RHOQ: variants seen among roughly 807,000 people sequenced by gnomAD.
RHOQ encodes ras homolog family member Q.
In RHOQ, 7 loss-of-function variants were observed where a neutral mutation model predicts 25.8. That is an observed-to-expected ratio of 0.27 (90% CI 0.15 to 0.51). RHOQ has a LOEUF of 0.51. Ranked by LOEUF, RHOQ falls within the 20% of genes least tolerant of loss-of-function variation. RHOQ has a pLI of 0.97. For missense variants in RHOQ, 165 were observed against 260.6 expected (o/e 0.63, Z 2.53); for synonymous variants, 97 against 98.6 (o/e 0.98, Z 0.10).
At position 46,582,668 on chromosome 2, in the gene RHOQ, C is replaced by T. The variant is rs1306426754; in HGVS notation, c.*1585C>T. 2.0e-5 allele frequency: 3 copies of T among 152,558 alleles called. No homozygotes were observed. Among genetic ancestry groups the T allele is most frequent in the Non-Finnish European group, 1.5e-5 (1 of 68,014 alleles). 9.5% of individuals were successfully genotyped at this position (152,558 alleles called of 1,614,324 possible). A position where few individuals can be genotyped will look rare whatever the true frequency, so the allele number is the denominator to read the frequency against. On this transcript the variant is annotated 3_prime_UTR_variant, in exon 5 of 5. Coordinates refer to ENST00000238738, the MANE Select transcript of RHOQ (RefSeq NM_012249.4). ...GGTGGGCTTCTGTTAATTCACATGA[C>T]TTGAGCTTATAGCTATGTCTACTGC...
chr2:46,550,119 G>A (rs192394233), intron 2 of RHOQ, among the ~76,000 whole-genome samples: 3 of 151,798 alleles, frequency 2.0e-5, no homozygotes, highest in African/African-American at 7.3e-5. Flanking sequence ...TGTAGTCCCA[G>A]CTACTCAGGA....
chr2:46,563,137 C>T (rs1036894211), intron 2 of RHOQ, among the ~76,000 whole-genome samples: 8 of 152,038 alleles, frequency 5.3e-5, no homozygotes, highest in African/African-American at 1.9e-4. Context: ...CTCAGAGACT[C>T]AGGAGGTCTG....
In RHOQ at chr2:46,548,582, A is replaced by G. The variant is rs1487336208; in HGVS notation, c.201+4770A>G. On this transcript the variant is annotated intron_variant, in intron 2 of 4. Coordinates refer to ENST00000238738, the MANE Select transcript of RHOQ (RefSeq NM_012249.4). The surrounding 1 kb of genome is among the most constrained non-coding windows in gnomAD (Gnocchi z 5.2). The stretch of plus-strand genomic sequence containing the variant: ...GAGAAGGCCTGCAGGGAACATTAGT[A>G]GGGTTTAGGAAATGCCACTCACAAC... 6.6e-6 allele frequency among the ~76,000 whole-genome samples: 1 copy of G among 152,176 alleles called. No individual in the cohort carries two copies. The highest frequency in any genetic ancestry group is 1.9e-4 in the East Asian group (1 of 5,182).
At chr2:46,568,691 C>A (rs1444762786) in intron 2 of RHOQ, 1 of 152,212 alleles carries the variant, frequency 6.6e-6, no homozygotes, top group Non-Finnish European at 1.5e-5. Flanking sequence ...TTTCCCCATT[C>A]ATTTTGGCAA....
chr2:46,578,761 A>C (rs1023904913), intron 4 of RHOQ, among the ~76,000 whole-genome samples: 2 of 151,918 alleles, frequency 1.3e-5, no homozygotes, highest in African/African-American at 4.8e-5. Context: ...GTCTCAAAAT[A>C]AATGAATAAA....
At chr2:46,545,137 C>T (rs573150538) in intron 2 of RHOQ, among the ~76,000 whole-genome samples, 28 of 152,324 alleles carry the variant, frequency 1.8e-4, no homozygotes, top group African/African-American at 6.7e-4. Context: ...CAGGTCAGTA[C>T]AGCCAGTTCT....
chr2:46,575,245 T>C (rs183686546), intron 2 of RHOQ, among the ~76,000 whole-genome samples: 1 of 152,280 alleles, frequency 6.6e-6, no homozygotes, highest in East Asian at 1.9e-4. Flanking sequence ...TTTCATTTTA[T>C]GTACAGATGT....
intron 1 of RHOQ, 101 bp downstream of exon 1, chr2:46,543,289 C>T: frequency 4.4e-6 from 6 of 1,349,078 alleles, no homozygotes; most frequent in Non-Finnish European, 6.3e-6. Flanking sequence ...GCGCACTCCT[C>T]TCCCCTCCCC....
At chr2:46,568,736 C>T (rs1381875704) in intron 2 of RHOQ, 1 of 152,170 alleles carries the variant, frequency 6.6e-6, no homozygotes, top group Non-Finnish European at 1.5e-5. Context: ...AAATGCCCCC[C>T]AGACATAGGG....
intron 2 of RHOQ, among the ~76,000 whole-genome samples, chr2:46,549,582 T>A (rs527782627): frequency 2.2e-4 from 33 of 152,302 alleles, no homozygotes; most frequent in African/African-American, 7.5e-4. Flanking sequence ...CATGTGTGGC[T>A]CTTAAAAATT....
chr2:46,581,271 A>G lies in RHOQ; in HGVS notation c.*188A>G. 1.0e-6 allele frequency: 1 copy of G among 953,528 alleles called. No individual in the cohort carries two copies. Among genetic ancestry groups the G allele is most frequent in the South Asian group, 1.8e-5 (1 of 54,084 alleles). The allele number at this position is 953,528 out of a possible 1,614,324, so 59.1% of individuals were successfully genotyped here. ...AAAGGTTTAAGAAGCAGTAAGCAGC[A>G]TCTGAAGCCACAATCTATTATAAAT... On this transcript the variant is annotated 3_prime_UTR_variant, in exon 5 of 5. Transcript: ENST00000238738.
At chr2:46,572,334 C>T (rs1412636223) in intron 2 of RHOQ, among the ~76,000 whole-genome samples, 2 of 151,958 alleles carry the variant, frequency 1.3e-5, no homozygotes, top group African/African-American at 2.4e-5. Flanking sequence ...AACTCCTGGA[C>T]TCAAGCAATC....
intron 2 of RHOQ, among the ~76,000 whole-genome samples, chr2:46,547,907 G>C (rs746072625): frequency 2.0e-5 from 3 of 152,202 alleles, no homozygotes; most frequent in Non-Finnish European, 4.4e-5. Context: ...CTCTCTAGCT[G>C]TGGGCTCTAG....
chr2:46,560,813 G>A (rs1302432600), intron 2 of RHOQ: 1 of 202,748 alleles, frequency 4.9e-6, no homozygotes, highest in African/African-American at 2.3e-5. Flanking sequence ...ACTCCATTAG[G>A]TTATAGCTTT....
At chr2:46,574,815 A>G (rs1000749418) in intron 2 of RHOQ, among the ~76,000 whole-genome samples, 1 of 152,200 alleles carries the variant, frequency 6.6e-6, no homozygotes, top group African/African-American at 2.4e-5. Context: ...TGAAAGGAAA[A>G]TTGTTCCATG....
intron 4 of RHOQ, among the ~76,000 whole-genome samples, chr2:46,578,923 G>T (rs534306403): frequency 3.9e-5 from 6 of 152,170 alleles, no homozygotes; most frequent in Non-Finnish European, 5.9e-5. Flanking sequence ...TGTATATATA[G>T]AGAGAAAATA....
chr2:46,560,995 C>T (rs1335178008), intron 2 of RHOQ, among the ~76,000 whole-genome samples: 1 of 126,270 alleles, frequency 7.9e-6, no homozygotes. Context: ...TACTATAGAC[C>T]CCATAAACAC....
chr2:46,582,329 T>C lies in RHOQ; in HGVS notation c.*1246T>C, dbSNP rs1433851846. 6.6e-6 allele frequency: 1 copy of C among 151,984 alleles called. No individual in the cohort carries two copies. Among genetic ancestry groups the C allele is most frequent in the African/African-American group, 2.4e-5 (1 of 41,346 alleles). 9.4% of individuals were successfully genotyped at this position (151,984 alleles called of 1,614,324 possible). A position where few individuals can be genotyped will look rare whatever the true frequency, so the allele number is the denominator to read the frequency against. On this transcript the variant is annotated 3_prime_UTR_variant, in exon 5 of 5. Coordinates refer to ENST00000238738, the MANE Select transcript of RHOQ (RefSeq NM_012249.4). The stretch of plus-strand genomic sequence containing the variant: ...GGAGGAAAATTTTCATGTTCTTCTG[T>C]GAAGCTTATTTGGTACACTGGAGCC...
intron 2 of RHOQ, among the ~76,000 whole-genome samples, chr2:46,575,860 T>G (rs1295132234): frequency 6.6e-6 from 1 of 152,236 alleles, no homozygotes; most frequent in Non-Finnish European, 1.5e-5. Flanking sequence ...TCCAAAGTTT[T>G]CATTGTCATT....
Sources: gnomAD v4.1 joint callset for allele counts (sites outside exome capture counted in the v4.1 genomes callset) on GRCh38, gnomAD v4.1.1 for gene constraint, Gnocchi (gnomAD v3.1) non-coding constraint, MANE v1.5 for transcripts, NCBI Gene and HGNC (gene_info 2026-07-23, HGNC 2026-07-21) for gene names.